Variants in LRRTM4 observed in about 807,000 individuals in gnomAD.
LRRTM4 encodes the protein leucine-rich repeat transmembrane neuronal protein 4.
A neutral mutation model predicts 47.6 loss-of-function variants in LRRTM4; 25 were observed. The ratio of observed to expected loss-of-function variants is 0.53; its 90% CI spans 0.38 to 0.73. The LOEUF is 0.73. LRRTM4 is among the 30% of genes least tolerant of loss of function. LRRTM4 has a pLI of 0.00. For missense variants in LRRTM4, 638 were observed against 713.4 expected, an observed-to-expected ratio of 0.89 and a Z score of 1.20; for synonymous variants, 311 against 269.5, an observed-to-expected ratio of 1.15 and a Z score of -1.51.
At chr2:77,364,785 T>C (rs1672378745) in intron 3 of LRRTM4, among the ~76,000 whole-genome samples, 1 of 152,072 alleles carries the variant, frequency 6.6e-6, no homozygotes, top group Admixed American at 6.6e-5. Flanking sequence ...ATCACAATCA[T>C]AAGCCGAACC....
At chr2:77,048,357 T>G (rs1385656601) in intron 3 of LRRTM4, among the ~76,000 whole-genome samples, 1 of 152,028 alleles carries the variant, frequency 6.6e-6, no homozygotes, top group African/African-American at 2.4e-5. Flanking sequence ...ATAATGAAGT[T>G]TTAGCATGAA....
intron 3 of LRRTM4, among the ~76,000 whole-genome samples, chr2:77,154,167 C>T (rs1672498814): frequency 6.6e-6 from 1 of 152,198 alleles, no homozygotes. Flanking sequence ...GAAGTTGTGA[C>T]ATTGGTGAAT....
At chr2:76,993,107 A>G (rs1677071578) in intron 3 of LRRTM4, among the ~76,000 whole-genome samples, 1 of 151,880 alleles carries the variant, frequency 6.6e-6, no homozygotes, top group African/African-American at 2.4e-5. Context: ...CTTTCTGTGT[A>G]TATAAAAATA....
chr2:76,864,043 G>T (rs1672395695), intron 3 of LRRTM4, among the ~76,000 whole-genome samples: 1 of 152,180 alleles, frequency 6.6e-6, no homozygotes, highest in South Asian at 2.1e-4. Context: ...GGAGGACAAT[G>T]ATCAGTGTTA....
At chr2:76,830,931 T>C (rs892275300) in intron 3 of LRRTM4, among the ~76,000 whole-genome samples, 1 of 152,050 alleles carries the variant, frequency 6.6e-6, no homozygotes, top group Non-Finnish European at 1.5e-5. Flanking sequence ...ATGCCATGCT[T>C]CAAATTATGG....
At chr2:76,893,037 C>G (rs148960963) in intron 3 of LRRTM4, among the ~76,000 whole-genome samples, 1 of 147,348 alleles carries the variant, frequency 6.8e-6, no homozygotes, top group Non-Finnish European at 1.5e-5. Flanking sequence ...CAATCATAAT[C>G]ATTGTCAGCA....
intron 3 of LRRTM4, among the ~76,000 whole-genome samples, chr2:76,949,424 C>G (rs1453164637): frequency 1.3e-5 from 2 of 151,920 alleles, no homozygotes; most frequent in Non-Finnish European, 2.9e-5. Flanking sequence ...AAGGTAAACC[C>G]TGTTCTACTA....
chr2:76,796,540 G>C (rs1675336483), intron 3 of LRRTM4, among the ~76,000 whole-genome samples: 1 of 125,850 alleles, frequency 7.9e-6, no homozygotes, highest in Non-Finnish European at 1.6e-5. Context: ...GCACCCCCAA[G>C]CACGGGCACA....
chr2:77,367,621 C>A (rs536664090), intron 3 of LRRTM4, among the ~76,000 whole-genome samples: 3 of 151,946 alleles, frequency 2.0e-5, no homozygotes, highest in Non-Finnish European at 4.4e-5. Flanking sequence ...TCTTTCTGAG[C>A]ATTCCAAGGA....
chr2:77,157,799 A>G (rs902786596), intron 3 of LRRTM4, among the ~76,000 whole-genome samples: 1 of 152,152 alleles, frequency 6.6e-6, no homozygotes, highest in Non-Finnish European at 1.5e-5. Context: ...TCAGGACTCT[A>G]GATGCAATGG....
intron 3 of LRRTM4, among the ~76,000 whole-genome samples, chr2:76,834,326 T>C (rs571014865): frequency 6.6e-6 from 1 of 151,844 alleles, no homozygotes; most frequent in Non-Finnish European, 1.5e-5. Flanking sequence ...ACTGGGATTA[T>C]AGGCGTAAGC....
At chr2:77,058,163 A>C (rs547081913) in intron 3 of LRRTM4, among the ~76,000 whole-genome samples, 1 of 152,208 alleles carries the variant, frequency 6.6e-6, no homozygotes, top group Admixed American at 6.6e-5. Flanking sequence ...AGTTCCAAGG[A>C]AAGTCAGTCT....
chr2:77,261,535 G>A lies in LRRTM4; in HGVS notation c.1551+256783C>T, dbSNP rs11889498. 5.5e-3 allele frequency among the ~76,000 whole-genome samples: 840 copies of A among 152,086 alleles called. 6 individuals carry two copies. The highest frequency in any genetic ancestry group is 0.019 in the African/African-American group (793 of 41,508). The stretch of plus-strand genomic sequence containing the variant: ...GTCTCAAACTGGAAATGAAACATGA[G>A]AAATAAATAAAGCTGGATTGCATGA... On this transcript the variant is annotated intron_variant, in intron 3 of 3. Coordinates refer to ENST00000409884, the MANE Select transcript of LRRTM4 (RefSeq NM_001134745.3).
chr2:77,439,352 C>T (rs1675741126), intron 3 of LRRTM4, among the ~76,000 whole-genome samples: 1 of 151,944 alleles, frequency 6.6e-6, no homozygotes, highest in African/African-American at 2.4e-5. Context: ...CTATTTTCAT[C>T]TTATGAAATA....
chr2:77,348,557 T>C (rs1392793184), intron 3 of LRRTM4, among the ~76,000 whole-genome samples: 1 of 150,234 alleles, frequency 6.7e-6, no homozygotes, highest in Non-Finnish European at 1.5e-5. Flanking sequence ...CTTACAAATA[T>C]ACAAAGTTAA....
At chr2:77,232,776 G>A (rs960579025) in intron 3 of LRRTM4, among the ~76,000 whole-genome samples, 1 of 151,994 alleles carries the variant, frequency 6.6e-6, no homozygotes, top group African/African-American at 2.4e-5. Context: ...AGAACTTTAG[G>A]AGAAAAAAAT....
At chr2:77,069,836 A>G (rs1158264728) in intron 3 of LRRTM4, among the ~76,000 whole-genome samples, 1 of 152,092 alleles carries the variant, frequency 6.6e-6, no homozygotes, top group Admixed American at 6.5e-5. Flanking sequence ...TAGCTTTATC[A>G]TTTTCGCATT....
intron 3 of LRRTM4, among the ~76,000 whole-genome samples, chr2:77,253,193 A>T: frequency 6.6e-6 from 1 of 152,302 alleles, no homozygotes; most frequent in Non-Finnish European, 1.5e-5. Flanking sequence ...AACATAAAAA[A>T]TATAAATAAA....
At chr2:76,979,541 G>GTATATA (rs70939837) in intron 3 of LRRTM4, among the ~76,000 whole-genome samples, 2,758 of 126,944 alleles carry the variant, frequency 0.022, 188 homozygotes, top group East Asian at 0.082. Context: ...CTGAATTTCT[G>GTATATA]TATATATATA....
Sources: gnomAD v4.1 joint callset for allele counts (sites outside exome capture counted in the v4.1 genomes callset) on GRCh38, gnomAD v4.1.1 for gene constraint, MANE v1.5 for transcripts, NCBI Gene and HGNC (gene_info 2026-07-23, HGNC 2026-07-21) for gene names.